Variants in GRB10 observed in about 807,000 individuals in gnomAD.
GRB10 encodes growth factor receptor bound protein 10, also known as growth factor receptor-bound protein 10.
GRB10 carries 20 observed loss-of-function variants against 80.9 expected under a neutral mutation model. The ratio of observed to expected loss-of-function variants is 0.25; its 90% confidence interval spans 0.17 to 0.36. GRB10 has a LOEUF of 0.36. Among genes scored for constraint, GRB10 ranks in the 10% least tolerant of loss-of-function variants. The probability of loss-of-function intolerance (pLI) is 1.00; values close to 1 mark genes in which losing one functional copy is unlikely to be tolerated. For missense variants in GRB10, 548 were observed against 747.7 expected (o/e 0.73, Z 3.12); for synonymous variants, 291 against 291.5 (o/e 1.00, Z 0.02).
intron 4 of GRB10, among the ~76,000 whole-genome samples, chr7:50,716,179 C>T (rs1457831946): frequency 1.3e-5 from 2 of 152,218 alleles, no homozygotes; most frequent in Non-Finnish European, 2.9e-5. Flanking sequence ...GTGTTCCCAC[C>T]AACCCAAATG....
intron 3 of GRB10, among the ~76,000 whole-genome samples, chr7:50,751,639 A>G (rs1447512534): frequency 6.6e-6 from 1 of 152,222 alleles, no homozygotes; most frequent in Non-Finnish European, 1.5e-5. Context: ...TGGTTACTTG[A>G]TGATGGTTTC....
chr7:50,637,199 A>T (rs2055217032), intron 7 of GRB10, among the ~76,000 whole-genome samples: 1 of 151,996 alleles, frequency 6.6e-6, no homozygotes, highest in Non-Finnish European at 1.5e-5. Context: ...CTGGTCTCGA[A>T]CTCCTGGACT....
At chr7:50,595,302 CTTG>C in intron 18 of GRB10, 132 bp downstream of exon 18, 1 of 694,620 alleles carries the variant, frequency 1.4e-6, no homozygotes, top group Admixed American at 2.2e-5. Context: ...TAAAGAAATT[CTTG>C]AAAGTTTCTT....
chr7:50,673,574 C>T (rs1208480241), intron 6 of GRB10, among the ~76,000 whole-genome samples: 1 of 152,076 alleles, frequency 6.6e-6, no homozygotes, highest in South Asian at 2.1e-4. Context: ...TGCTCAAATC[C>T]CCCCTCCTTC....
At chr7:50,714,105 C>G (rs1260568107) in intron 4 of GRB10, among the ~76,000 whole-genome samples, 1 of 152,116 alleles carries the variant, frequency 6.6e-6, no homozygotes, top group Non-Finnish European at 1.5e-5. Flanking sequence ...TCACCACTTC[C>G]TCCATCCCCA....
At chr7:50,679,029 T>C (rs1379158930) in intron 5 of GRB10, among the ~76,000 whole-genome samples, 1 of 152,228 alleles carries the variant, frequency 6.6e-6, no homozygotes, top group Non-Finnish European at 1.5e-5. Flanking sequence ...ATTTTATATA[T>C]AAAATTTCAC....
intron 2 of GRB10, among the ~76,000 whole-genome samples, chr7:50,776,073 T>C (rs1267754813): frequency 6.6e-6 from 1 of 152,218 alleles, no homozygotes; most frequent in Non-Finnish European, 1.5e-5. Context: ...TCTTCCATTA[T>C]CTTGATGAAT....
At chr7:50,672,822 A>C (rs982987101) in intron 6 of GRB10, among the ~76,000 whole-genome samples, 2 of 152,192 alleles carry the variant, frequency 1.3e-5, no homozygotes, top group African/African-American at 4.8e-5. Context: ...AGATGCTCCC[A>C]AGAGAAAAAC....
chr7:50,612,677 A>G (rs2049785241), intron 13 of GRB10, 64 bp downstream of exon 13: 1 of 1,060,270 alleles, frequency 9.4e-7, no homozygotes, highest in Non-Finnish European at 1.5e-6. Context: ...ATAGACATCA[A>G]GTCCAGAGGC....
At chr7:50,619,391 T>C in intron 8 of GRB10, 106 bp from the exon 9 acceptor site, 2 of 773,108 alleles carry the variant, frequency 2.6e-6, no homozygotes, top group Non-Finnish European at 4.6e-6. Context: ...CTTTAAACAT[T>C]ATGAATAAAG....
At chr7:50,646,735 TG>T (rs1220637883) in intron 7 of GRB10, among the ~76,000 whole-genome samples, 1 of 152,212 alleles carries the variant, frequency 6.6e-6, no homozygotes, top group Non-Finnish European at 1.5e-5. Context: ...TGAACTTCTC[TG>T]GGGAAAATGC....
chr7:50,767,293 T>G (rs1180921652), intron 2 of GRB10, among the ~76,000 whole-genome samples: 2 of 152,146 alleles, frequency 1.3e-5, no homozygotes, highest in Admixed American at 6.5e-5. Context: ...GATCCTCCAG[T>G]TCCAAAAGGA....
chr7:50,698,431 C>T (rs1170810097), intron 5 of GRB10, among the ~76,000 whole-genome samples: 2 of 152,230 alleles, frequency 1.3e-5, no homozygotes, highest in Non-Finnish European at 2.9e-5. Context: ...TAATTCTTGT[C>T]ATTCAAACAA....
intron 4 of GRB10, among the ~76,000 whole-genome samples, chr7:50,707,101 T>C (rs1780106417): frequency 1.3e-5 from 2 of 152,252 alleles, no homozygotes; most frequent in Admixed American, 6.5e-5. Context: ...CCTTATCTTT[T>C]TGGCTCATCA....
At chr7:50,685,329 G>C (rs1194342920) in intron 5 of GRB10, among the ~76,000 whole-genome samples, 1 of 152,164 alleles carries the variant, frequency 6.6e-6, no homozygotes, top group African/African-American at 2.4e-5. Context: ...AGCAAGAAAG[G>C]ACAGGAAACT....
intron 7 of GRB10, among the ~76,000 whole-genome samples, chr7:50,653,802 A>G (rs2058302477): frequency 6.6e-6 from 1 of 152,242 alleles, no homozygotes; most frequent in South Asian, 2.1e-4. Flanking sequence ...TACATGAAGA[A>G]GCTACCCAAG....
At chr7:50,723,726 C>A (rs2068124238) in intron 4 of GRB10, among the ~76,000 whole-genome samples, 1 of 152,232 alleles carries the variant, frequency 6.6e-6, no homozygotes, top group African/African-American at 2.4e-5. Flanking sequence ...GCCTCACACG[C>A]CTGAAGCGGT....
At chr7:50,626,671 G>A (rs569925729) in intron 8 of GRB10, 151 bp downstream of exon 8, 5 of 841,790 alleles carry the variant, frequency 5.9e-6, no homozygotes, top group South Asian at 2.8e-5. Flanking sequence ...GAAATTTTAG[G>A]AGAAACAGGA....
chr7:50,756,444 G>A (rs61365130), intron 2 of GRB10, among the ~76,000 whole-genome samples: 9,535 of 152,232 alleles, frequency 0.063, 1,006 homozygotes, highest in African/African-American at 0.22. Context: ...TACAACCTTC[G>A]GCCCACCCAG....
Sources: allele counts gnomAD v4.1 joint callset (sites outside exome capture counted in the v4.1 genomes callset), GRCh38; gene constraint gnomAD v4.1.1; transcripts MANE v1.5; gene names NCBI Gene and HGNC (gene_info 2026-07-23, HGNC 2026-07-21).